The following CLOCK variants were observed in gnomAD, a reference collection of about 807,000 sequenced individuals.
CLOCK encodes circadian locomoter output cycles protein kaput.
In CLOCK, 43 loss-of-function variants were observed where a neutral mutation model predicts 118.4. The ratio of observed to expected loss-of-function variants is 0.36; its 90% CI spans 0.28 to 0.47. The LOEUF is 0.47. Ranked by LOEUF, CLOCK falls within the 20% of genes least tolerant of loss-of-function variation. The pLI, the probability that CLOCK is intolerant of heterozygous loss-of-function variation, is 1.00. For missense variants in CLOCK, 846 were observed against 999.9 expected, an observed-to-expected ratio of 0.85 and a Z score of 2.08; for synonymous variants, 326 against 339.2, an observed-to-expected ratio of 0.96 and a Z score of 0.43.
chr4:55,546,191 G>A (rs1175407605), intron 1 of CLOCK, among the ~76,000 whole-genome samples: 1 of 152,148 alleles, frequency 6.6e-6, no homozygotes, highest in Non-Finnish European at 1.5e-5. Context: ...CTCGGCACCC[G>A]GTCCCCGTCT....
intron 1 of CLOCK, among the ~76,000 whole-genome samples, chr4:55,519,057 A>AC (rs1283038232): frequency 6.6e-6 from 1 of 151,886 alleles, no homozygotes; most frequent in Non-Finnish European, 1.5e-5. Flanking sequence ...ATTTTATTTT[A>AC]TTTTACTTTT....
chr4:55,487,513 G>T (rs1577779936), intron 3 of CLOCK, among the ~76,000 whole-genome samples: 1 of 152,204 alleles, frequency 6.6e-6, no homozygotes, highest in African/African-American at 2.4e-5. Flanking sequence ...GGTACCCTGG[G>T]TTCTTAACCC....
intron 15 of CLOCK, among the ~76,000 whole-genome samples, chr4:55,451,097 C>G (rs1350203061): frequency 1.3e-5 from 2 of 151,944 alleles, no homozygotes; most frequent in African/African-American, 4.8e-5. Flanking sequence ...ACCACTGCCC[C>G]ATTTCTCTTC....
chr4:55,486,050 T>C (rs1265108274), intron 3 of CLOCK, among the ~76,000 whole-genome samples: 1 of 152,208 alleles, frequency 6.6e-6, no homozygotes, highest in African/African-American at 2.4e-5. Flanking sequence ...TACTATTTTA[T>C]TCATACACAT....
In CLOCK at chr4:55,432,576, G is replaced by T. The variant is rs1282792767; in HGVS notation, c.*2839C>A. On this transcript the variant is annotated 3_prime_UTR_variant, in exon 23 of 23. Transcript: ENST00000513440. ...TAACAGCTTTGGCTATAGAAATGAAGAACAGACACTGCTGAATCTTCATTT... is the reference window on the plus strand; with the variant it reads ...TAACAGCTTTGGCTATAGAAATGAATAACAGACACTGCTGAATCTTCATTT... 1 of 125,844 alleles carries T rather than the reference G, an allele frequency of 7.9e-6. No homozygotes were observed. Among genetic ancestry groups the T allele is most frequent in the Non-Finnish European group, 1.6e-5 (1 of 63,262 alleles). 7.8% of individuals were successfully genotyped at this position (125,844 alleles called of 1,614,324 possible). A position where few individuals can be genotyped will look rare whatever the true frequency, so the allele number is the denominator to read the frequency against.
At chr4:55,515,381 T>G (rs1224364331) in intron 1 of CLOCK, among the ~76,000 whole-genome samples, 1 of 152,098 alleles carries the variant, frequency 6.6e-6, no homozygotes, top group Non-Finnish European at 1.5e-5. Flanking sequence ...CACTGGCTGT[T>G]TTGTTTGTTT....
chr4:55,492,849 A>T (rs181711063), intron 2 of CLOCK, among the ~76,000 whole-genome samples: 99 of 152,306 alleles, frequency 6.5e-4, no homozygotes, highest in African/African-American at 2.2e-3. Context: ...TGTCTCTAAA[A>T]AAAATAAAAT....
Position 55,453,746 on chromosome 4 carries a change from T to C in CLOCK, c.1061A>G (p.His354Arg), listed in dbSNP as rs756661957. The C allele has an allele frequency of 2.4e-5, 38 of 1,610,944 alleles. No individual in the cohort carries two copies. The highest frequency in any genetic ancestry group is 3.1e-5 in the Non-Finnish European group (37 of 1,178,078). ...CCACTGATGGTAAGTGATATAATAA[T>C]GAGTCTGAAGCCAAATCCACTGTTG... ...KGQQWIWLQT[H>R]YYITYHQWNS... The change falls in exon 14 of 23, where the codon CAT becomes CGT. Residue 354 changes from histidine to arginine, a missense_variant. Physicochemically the swap from His to Arg is conservative, Grantham distance 29. Around this residue, in one of 4 missense-constraint regions of CLOCK, gnomAD observed 66 missense variants for 99.4 expected, o/e 0.66. Coordinates refer to ENST00000513440, the MANE Select transcript of CLOCK (RefSeq NM_004898.4).
Position 55,445,025 on chromosome 4 carries a change from T to A in CLOCK, c.1540-240A>T, listed in dbSNP as rs185317788. Among the ~76,000 whole-genome samples the A allele has an allele frequency of 3.3e-5, 5 of 152,320 alleles. No homozygotes were observed. The East Asian group carries it at 9.7e-4, about 29-fold the overall frequency. Reference sequence around the variant, plus strand: ...AGTTATCCACATCAGTAGGTGGTGCTGGAGGGACACTGCCAAGAAAGTGCT... The same window carrying A: ...AGTTATCCACATCAGTAGGTGGTGCAGGAGGGACACTGCCAAGAAAGTGCT... On this transcript the variant is annotated intron_variant, in intron 18 of 22. Transcript: ENST00000513440.
rs902990417 is a variant in CLOCK at position 55,428,231 on chromosome 4, C to T, written c.*7184G>A. On this transcript the variant is annotated 3_prime_UTR_variant, in exon 23 of 23. Transcript: ENST00000513440. ...ATCATAACCTGGAATAATGATTACA[C>T]AGCAAGAGGCCTGAGTGGAGGTAGG... The T allele has an allele frequency of 6.6e-6, 1 of 152,156 alleles. No individual in the cohort carries two copies. Among genetic ancestry groups the T allele is most frequent in the African/African-American group, 2.4e-5 (1 of 41,436 alleles). The allele number at this position is 152,156 out of a possible 1,614,324, so 9.4% of individuals were successfully genotyped here.
At chr4:55,546,602 C>T (rs1174355716) in intron 1 of CLOCK, 180 bp downstream of exon 1, 1 of 152,082 alleles carries the variant, frequency 6.6e-6, no homozygotes, top group African/African-American at 2.4e-5. Flanking sequence ...TCCAGCAGCA[C>T]CTGGGGCTGT....
At chr4:55,470,951 C>T (rs1936135120) in intron 7 of CLOCK, 145 bp from the exon 8 acceptor site, 8 of 638,748 alleles carry the variant, frequency 1.3e-5, no homozygotes, top group South Asian at 3.8e-5. Context: ...TCCCCCTTTA[C>T]AATACCTTGG....
intron 3 of CLOCK, among the ~76,000 whole-genome samples, chr4:55,487,398 T>G (rs1375400581): frequency 2.0e-5 from 3 of 152,200 alleles, no homozygotes; most frequent in Non-Finnish European, 4.4e-5. Context: ...AATATTTCTT[T>G]GGGGAATTCT....
intron 1 of CLOCK, among the ~76,000 whole-genome samples, chr4:55,537,152 A>G (rs575000409): frequency 1.3e-5 from 2 of 152,316 alleles, no homozygotes; most frequent in East Asian, 1.9e-4. Context: ...AAGAAATTAT[A>G]AAGTACTCTG....
At chr4:55,509,660 C>T (rs1357994641) in intron 2 of CLOCK, among the ~76,000 whole-genome samples, 3 of 152,202 alleles carry the variant, frequency 2.0e-5, no homozygotes. Flanking sequence ...ATGACTCTTA[C>T]TTTTGAGCAC....
intron 17 of CLOCK, 76 bp downstream of exon 17, chr4:55,449,320 G>T: frequency 7.6e-7 from 1 of 1,312,968 alleles, no homozygotes; most frequent in Non-Finnish European, 1.1e-6. Flanking sequence ...ACAAATAGAT[G>T]AATTTCTGAA....
At chr4:55,485,865 A>T (rs897360436) in intron 3 of CLOCK, among the ~76,000 whole-genome samples, 4 of 152,132 alleles carry the variant, frequency 2.6e-5, no homozygotes, top group Non-Finnish European at 5.9e-5. Flanking sequence ...CCCATAAATA[A>T]ATATATATAC....
chr4:55,522,835 G>T (rs1044106849), intron 1 of CLOCK, among the ~76,000 whole-genome samples: 2 of 152,016 alleles, frequency 1.3e-5, no homozygotes, highest in Non-Finnish European at 1.5e-5. Flanking sequence ...CATATAAAAT[G>T]ACTAACTCTA....
intron 14 of CLOCK, 24 bp from the exon 15 acceptor site, chr4:55,453,153 A>AT (rs780391619): frequency 1.5e-5 from 23 of 1,582,110 alleles, no homozygotes; most frequent in Non-Finnish European, 1.8e-5. Context: ...AAATAATCAA[A>AT]TTTTAGTGTC....
Sources: allele counts gnomAD v4.1 joint callset (sites outside exome capture counted in the v4.1 genomes callset), GRCh38; gene constraint gnomAD v4.1.1; regional missense constraint gnomAD v4.1.1; transcripts MANE v1.5; gene names NCBI Gene and HGNC (gene_info 2026-07-23, HGNC 2026-07-21).